Variants in ZNF443 observed in about 807,000 individuals in gnomAD.
ZNF443 encodes the protein zinc finger protein 443.
Under a neutral mutation model 12.0 loss-of-function variants are expected in ZNF443, and 3 were observed. The observed-to-expected ratio is 0.25, with a 90% CI of 0.11 to 0.64. The LOEUF (loss-of-function observed/expected upper bound fraction) is 0.64. Ranked by LOEUF, ZNF443 falls within the 30% of genes least tolerant of loss-of-function variation. ZNF443 has a pLI of 0.84. For synonymous variants in ZNF443, 225 were observed against 265.9 expected (o/e 0.85, Z 1.50); for missense variants, 770 against 808.8 (o/e 0.95, Z 0.58).
intron 1 of ZNF443, among the ~76,000 whole-genome samples, chr19:12,434,679 C>T (rs1465921229): frequency 1.3e-5 from 2 of 151,712 alleles, no homozygotes; most frequent in African/African-American, 4.8e-5. Context: ...TATTTGGCTC[C>T]CCATACTATT....
Position 12,430,504 on chromosome 19 carries a change from T to A in ZNF443, c.1668A>T (p.Gly556=), listed in dbSNP as rs1227955299. 6.2e-7 allele frequency: 1 copy of A among 1,614,046 alleles called. No homozygotes were observed. The highest frequency in any genetic ancestry group is 2.2e-5 in the East Asian group (1 of 44,892). The change falls in exon 4 of 4, where the codon GGA becomes GGT. Residue 556 remains glycine (G), a synonymous_variant. Transcript: ENST00000301547. The part of the protein sequence containing the change: ...NLKVHERIHS[G]EKPYECKECG... Reference sequence around the variant, plus strand: ...ATTCCTTACATTCATACGGCTTCTCTCCAGAGTGAATTCTTTCATGTACCT... The same window carrying A: ...ATTCCTTACATTCATACGGCTTCTCACCAGAGTGAATTCTTTCATGTACCT...
At position 12,430,032 on chromosome 19, in the gene ZNF443, C is replaced by T. The variant is rs2112853; in HGVS notation, c.*124G>A. The T allele has an allele frequency of 2.6e-4, 400 of 1,555,068 alleles. 1 individual carries two copies. The highest frequency in any genetic ancestry group is 1.0e-3 in the South Asian group (83 of 81,182). ...TGACTGTACTGGAAAGAAACTGAAA[C>T]TACTTAAGGCTTTACCAAGTGCTTA... On this transcript the variant is annotated 3_prime_UTR_variant, in exon 4 of 4. Coordinates refer to ENST00000301547, the MANE Select transcript of ZNF443 (RefSeq NM_005815.5).
rs774084237 is a variant in ZNF443 at position 12,431,630 on chromosome 19, A to G, written c.542T>C (p.Leu181Ser). The change falls in exon 4 of 4, where the codon TTG becomes TCG. Residue 181 changes from leucine (L) to serine (S), a missense_variant. By Grantham distance (145) the Leu-to-Ser change is moderately radical. This residue lies in a region of ZNF443 where 736 missense variants were observed against 689.4 expected (regional missense o/e 1.07). Coordinates refer to ENST00000301547, the MANE Select transcript of ZNF443 (RefSeq NM_005815.5). ...CKECGKSFSS[L>S]GNLQRHMAVQ... ...TGCCATGTGTCTTTGAAGGTTTCCC[A>G]AAGAACTGAAGGACTTCCCACATTC... 15 of 1,614,030 alleles carry G rather than the reference A, an allele frequency of 9.3e-6. No homozygotes were observed. The highest frequency in any genetic ancestry group is 1.2e-5 in the Non-Finnish European group (14 of 1,180,020).
chr19:12,438,768 A>T (rs764936589), intron 1 of ZNF443, among the ~76,000 whole-genome samples: 5 of 152,054 alleles, frequency 3.3e-5, no homozygotes, highest in Non-Finnish European at 4.4e-5. Context: ...GGAATAGAAG[A>T]TTACATATAC....
rs34799053 is a variant in ZNF443, at chr19:12,434,950, CTTTTTTTTTTTTT to C, written c.4-1766_4-1754del. On this transcript the variant is annotated intron_variant, in intron 1 of 3. Coordinates refer to ENST00000301547, the MANE Select transcript of ZNF443 (RefSeq NM_005815.5). ...TATCCAAAGGTCTGAAACAAGGCTG[CTTTTTTTTTTTTT>C]TTTTTTTTGAGACAGAGCCTTGCTC... 2.1e-5 allele frequency among the ~76,000 whole-genome samples: 2 copies of C among 96,106 alleles called. 1 individual carries two copies. The highest frequency in any genetic ancestry group is 7.4e-4 in the South Asian group (2 of 2,710). The allele number at this position is 96,106 out of a possible 152,430, so 63.0% of individuals were successfully genotyped here.
intron 1 of ZNF443, among the ~76,000 whole-genome samples, chr19:12,433,671 A>C (rs1970280456): frequency 1.3e-5 from 2 of 152,034 alleles, no homozygotes; most frequent in African/African-American, 2.4e-5. Context: ...AGTGTGCCTA[A>C]ATTGTTCATG....
At chr19:12,432,307 C>G (rs74181652) in intron 3 of ZNF443, 70 bp downstream of exon 3, 246,831 of 1,288,824 alleles carry the variant, frequency 0.19, 26,149 homozygotes, top group South Asian at 0.33. Flanking sequence ...TTCTTTGCTT[C>G]TTTTTAAATT....
intron 1 of ZNF443, among the ~76,000 whole-genome samples, chr19:12,436,681 T>C (rs1013314030): frequency 1.3e-5 from 2 of 152,112 alleles, no homozygotes; most frequent in Non-Finnish European, 2.9e-5. Context: ...GGTGTACTTG[T>C]CTTGCCAATA....
rs1427593483 is a variant in ZNF443, at chr19:12,430,859, C to A, written c.1313G>T (p.Arg438Ile). The A allele has an allele frequency of 9.9e-6, 16 of 1,614,036 alleles. No individual in the cohort carries two copies. Among genetic ancestry groups the A allele is most frequent in the South Asian group, 5.5e-5 (5 of 91,068 alleles). ...KAFVYPSVFQRHERTHTAEKP... is the reference protein window; with the variant it reads ...KAFVYPSVFQIHERTHTAEKP... ...CTCTGCAGTGTGAGTCCTTTCATGT[C>A]TTTGAAATACACTGGGATAAACAAA... Residue 438 changes from arginine (R) to isoleucine (I), a missense_variant, in exon 4 of 4, where the codon AGA (arginine) becomes ATA (isoleucine). This residue lies in a region of ZNF443 where 736 missense variants were observed against 689.4 expected (regional missense o/e 1.07). Transcript: ENST00000301547.
At chr19:12,435,164 C>T (rs994726786) in intron 1 of ZNF443, among the ~76,000 whole-genome samples, 12 of 152,016 alleles carry the variant, frequency 7.9e-5, no homozygotes, top group African/African-American at 1.9e-4. Flanking sequence ...TTACTAGAGA[C>T]GGGGTTTCAC....
intron 1 of ZNF443, among the ~76,000 whole-genome samples, chr19:12,439,183 T>C (rs905616042): frequency 9.8e-5 from 15 of 152,302 alleles, no homozygotes; most frequent in African/African-American, 1.7e-4. Context: ...GATATAACTT[T>C]CTACCTTTTA....
rs142633574 is a variant in ZNF443, at chr19:12,430,750, C to G, written c.1422G>C (p.Glu474Asp). The stretch of plus-strand genomic sequence containing the variant: ...TCCCAAGTTTGCATTTATAGGGTTT[C>G]TCTCCAGTATGAGTTGTTTCATGCC... ...LRRHETTHTG[E>D]KPYKCKLGKA... The change falls in exon 4 of 4, where the codon GAG becomes GAC. Residue 474 changes from glutamate (E) to aspartate (D), a missense_variant. Glu to Asp is a conservative substitution (Grantham distance 45). This residue lies in a region of ZNF443 where 736 missense variants were observed against 689.4 expected (regional missense o/e 1.07). Coordinates refer to ENST00000301547, the MANE Select transcript of ZNF443 (RefSeq NM_005815.5). 3 of 1,613,090 alleles carry G rather than the reference C, an allele frequency of 1.9e-6. No homozygotes were observed. In the African/African-American group the frequency reaches 4.0e-5, roughly 22 times the overall value.
intron 1 of ZNF443, 144 bp from the exon 2 acceptor site, chr19:12,433,341 A>G (rs1320096535): frequency 1.4e-6 from 2 of 1,452,458 alleles, no homozygotes; most frequent in Admixed American, 5.6e-5. Flanking sequence ...TTCTCTGTCT[A>G]CACTCACTTT....
intron 1 of ZNF443, among the ~76,000 whole-genome samples, chr19:12,433,891 T>C (rs1970283190): frequency 6.6e-6 from 1 of 151,908 alleles, no homozygotes; most frequent in African/African-American, 2.4e-5. Flanking sequence ...GTGATTTAGT[T>C]CTGAGGGTCT....
rs756049478 is a variant in ZNF443 at position 12,430,562 on chromosome 19, CAT to C, written c.1608_1609del (p.Cys537Ter). On this transcript the variant is annotated frameshift_variant, in exon 4 of 4. Transcript: ENST00000301547. LOFTEE classifies it low-confidence loss of function (END_TRUNC). ...ATCATAATGACCGAAGGCTTTCCTA[CAT>C]GTTTTACACTCATAAGGTTTCTCTC... is the stretch of plus-strand genomic sequence containing the variant. 1 of 1,614,018 alleles carries C rather than the reference CAT, an allele frequency of 6.2e-7. No individual in the cohort carries two copies. The highest frequency in any genetic ancestry group is 8.5e-7 in the Non-Finnish European group (1 of 1,179,986).
At chr19:12,440,805 T>C in intron 1 of ZNF443, 107 bp downstream of exon 1, 2 of 1,586,268 alleles carry the variant, frequency 1.3e-6, no homozygotes, top group Non-Finnish European at 1.7e-6. Context: ...CCCGGGTCCG[T>C]AGATCCCGAA....
chr19:12,431,097 G>A lies in ZNF443; in HGVS notation c.1075C>T (p.His359Tyr). 1 of 1,614,082 alleles carries A rather than the reference G, an allele frequency of 6.2e-7. No homozygotes were observed. Among genetic ancestry groups the A allele is most frequent in the Non-Finnish European group, 8.5e-7 (1 of 1,179,992 alleles). ...CATTTATGAGGTCCATTTCCAGTGT[G>A]CCTTATCATGTGTCTTTGAAAGCTT... ...LGSFQRHMIR[H>Y]TGNGPHKCKI... Residue 359 changes from histidine to tyrosine, a missense_variant, in exon 4 of 4, where the codon CAC (histidine) becomes TAC (tyrosine). By Grantham distance (83) the His-to-Tyr change is moderately conservative. This residue lies in a region of ZNF443 where 736 missense variants were observed against 689.4 expected (regional missense o/e 1.07). Transcript: ENST00000301547.
At position 12,436,776 on chromosome 19, in the gene ZNF443, C is replaced by A. The variant is rs11880823; in HGVS notation, c.4-3579G>T. Among the ~76,000 whole-genome samples, 11 of 69,334 alleles carry A rather than the reference C, an allele frequency of 1.6e-4. No individual in the cohort carries two copies. In the South Asian group the frequency reaches 7.2e-3, roughly 46 times the overall value. The allele number at this position is 69,334 out of a possible 152,430, so 45.5% of individuals were successfully genotyped here. The stretch of plus-strand genomic sequence containing the variant: ...ACACACACACACACACACACACACA[C>A]ACACACAAATATACACATATGCATA... On this transcript the variant is annotated intron_variant, in intron 1 of 3. Coordinates refer to ENST00000301547, the MANE Select transcript of ZNF443 (RefSeq NM_005815.5).
chr19:12,431,214 C>A lies in ZNF443; in HGVS notation c.958G>T (p.Val320Phe). The A allele has an allele frequency of 6.2e-7, 1 of 1,612,898 alleles. No homozygotes were observed. Among genetic ancestry groups the A allele is most frequent in the Non-Finnish European group, 8.5e-7 (1 of 1,179,572 alleles). The change falls in exon 4 of 4, where the codon GTT becomes TTT. Residue 320 changes from valine to phenylalanine, a missense_variant. Val to Phe is a conservative substitution (Grantham distance 50). Coordinates refer to ENST00000301547, the MANE Select transcript of ZNF443 (RefSeq NM_005815.5). Reference protein sequence around the residue: ...TCKQCGKAFSVSGSLQRHETT... With the variant: ...TCKQCGKAFSFSGSLQRHETT... ...TCATGTCTTTGAAGGGAACCGGAAA[C>A]ACTGAAGGCTTTCCCACATTGTTTA...
Sources: allele counts gnomAD v4.1 joint callset (sites outside exome capture counted in the v4.1 genomes callset), GRCh38; gene constraint gnomAD v4.1.1; regional missense constraint gnomAD v4.1.1; transcripts MANE v1.5; gene names NCBI Gene and HGNC (gene_info 2026-07-23, HGNC 2026-07-21).